KCNJ9: variants seen among roughly 807,000 people sequenced by gnomAD.
The protein encoded by KCNJ9 is potassium inwardly rectifying channel subfamily J member 9, also known as G protein-activated inward rectifier potassium channel 3.
Under a neutral mutation model 27.9 loss-of-function variants are expected in KCNJ9, and 18 were observed. That is an observed-to-expected ratio of 0.65 (90% CI 0.45 to 0.96). The LOEUF is 0.96. Among genes scored for constraint, KCNJ9 ranks in the 40% least tolerant of loss-of-function variants. The pLI is 0.00. For synonymous variants in KCNJ9, 229 were observed against 248.2 expected, an observed-to-expected ratio of 0.92 and a Z score of 0.73; for missense variants, 324 against 557.5, an observed-to-expected ratio of 0.58 and a Z score of 4.22.
At chr1:160,087,347 G>C (rs1332734342) in intron 2 of KCNJ9, 139 bp from the exon 3 acceptor site, 51 of 1,295,316 alleles carry the variant, frequency 3.9e-5, no homozygotes, top group African/African-American at 6.1e-5. Flanking sequence ...GGGAGGGGGG[G>C]AAATGGACTG....
In KCNJ9 at chr1:160,089,931, TAGGGTCCTATGGGGCACAGCC is replaced by T. The variant is rs1490395883; in HGVS notation, c.*2128_*2148del. The T allele has an allele frequency of 5.2e-5, 8 of 152,382 alleles. No individual in the cohort carries two copies. In the East Asian group the frequency reaches 1.5e-3, roughly 29 times the overall value. 9.4% of individuals were successfully genotyped at this position (152,382 alleles called of 1,614,324 possible). On this transcript the variant is annotated 3_prime_UTR_variant, in exon 3 of 3. Coordinates refer to ENST00000368088, the MANE Select transcript of KCNJ9 (RefSeq NM_004983.3). ...TCTTCTCTGTTCCAGGCTGGGCAGA[TAGGGTCCTATGGGGCACAGCC>T]AGGGTCCTATGGGCATAGCCAGGGC...
At position 160,084,428 on chromosome 1, in the gene KCNJ9, C is replaced by A. The variant is rs1318196432; in HGVS notation, c.398C>A (p.Pro133His). 1 of 1,613,498 alleles carries A rather than the reference C, an allele frequency of 6.2e-7. No individual in the cohort carries two copies. The highest frequency in any genetic ancestry group is 8.5e-7 in the Non-Finnish European group (1 of 1,179,898). ...CACCGCGTCATCACCGACCAGTGCC[C>A]CGAGGGCATCGTGCTGCTGCTGCTG... ...YGHRVITDQC[P>H]EGIVLLLLQA... Residue 133 changes from proline (P) to histidine (H), a missense_variant, in exon 2 of 3, where the codon CCC becomes CAC. By Grantham distance (77) the Pro-to-His change is moderately conservative. This residue lies in a region of KCNJ9 where 241 missense variants were observed against 481.7 expected (regional missense o/e 0.50). Coordinates refer to ENST00000368088, the MANE Select transcript of KCNJ9 (RefSeq NM_004983.3).
At position 160,087,811 on chromosome 1, in the gene KCNJ9, G is replaced by T; in HGVS notation, c.1176G>T (p.Lys392Asn). Residue 392 changes from lysine (K) to asparagine (N), a missense_variant, in exon 3 of 3, where the codon AAG becomes AAT. Coordinates refer to ENST00000368088, the MANE Select transcript of KCNJ9 (RefSeq NM_004983.3). ...GCLPPPESES[K>N]V is the part of the protein sequence containing the mutation. Reference sequence around the variant, plus strand: ...TGCCACCCCCAGAGAGTGAGTCCAAGGTGTGACCAGCTTCCTCCAGACCCC... The same window carrying T: ...TGCCACCCCCAGAGAGTGAGTCCAATGTGTGACCAGCTTCCTCCAGACCCC... 1 of 1,491,718 alleles carries T rather than the reference G, an allele frequency of 6.7e-7. No homozygotes were observed. 92.4% of individuals were successfully genotyped at this position (1,491,718 alleles called of 1,614,324 possible). A position where few individuals can be genotyped will look rare whatever the true frequency, so the allele number is the denominator to read the frequency against.
Position 160,084,336 on chromosome 1 carries a change from C to G in KCNJ9, c.306C>G (p.Asn102Lys). The G allele has an allele frequency of 6.2e-7, 1 of 1,613,670 alleles. No homozygotes were observed. The highest frequency in any genetic ancestry group is 8.5e-7 in the Non-Finnish European group (1 of 1,179,976). The change falls in exon 2 of 3, where the codon AAC becomes AAG. Residue 102 changes from asparagine (N) to lysine (K), a missense_variant. Physicochemically the swap from Asn to Lys is moderately conservative, Grantham distance 94 (BLOSUM62 0). Around this residue, in one of 3 missense-constraint regions of KCNJ9, gnomAD observed 241 missense variants for 481.7 expected, o/e 0.50. Coordinates refer to ENST00000368088, the MANE Select transcript of KCNJ9 (RefSeq NM_004983.3). ...LEDTAWTPCV[N>K]NLNGFVAAFL... is the part of the protein sequence containing the mutation. ...ACACCGCGTGGACGCCGTGCGTCAA[C>G]AACCTCAACGGCTTCGTGGCCGCCT... is the stretch of plus-strand genomic sequence containing the variant.
chr1:160,085,111 C>T (rs1348248813), intron 2 of KCNJ9, among the ~76,000 whole-genome samples: 1 of 152,196 alleles, frequency 6.6e-6, no homozygotes, highest in African/African-American at 2.4e-5. Context: ...GGCGTGGGGC[C>T]CTGGGCCCAG....
In KCNJ9 at chr1:160,088,031, G is replaced by T; in HGVS notation, c.*214G>T. ...TTTCAGGGAAATGGAGGGTGGGGCC[G>T]GGTGAAAATGCCAGTCTGTGTTTGA... On this transcript the variant is annotated 3_prime_UTR_variant, in exon 3 of 3. Transcript: ENST00000368088. The T allele has an allele frequency of 2.3e-6, 1 of 434,110 alleles. No individual in the cohort carries two copies. The allele number at this position is 434,110 out of a possible 1,614,324, so 26.9% of individuals were successfully genotyped here.
At position 160,084,002 on chromosome 1, in the gene KCNJ9, C is replaced by T. The variant is rs905257730; in HGVS notation, c.-29C>T. 8.5e-6 allele frequency: 11 copies of T among 1,288,244 alleles called. No individual in the cohort carries two copies. Among genetic ancestry groups the T allele is most frequent in the African/African-American group, 4.7e-5 (3 of 64,170 alleles). 79.8% of individuals were successfully genotyped at this position (1,288,244 alleles called of 1,614,324 possible). On this transcript the variant is annotated 5_prime_UTR_variant, in exon 2 of 3. Transcript: ENST00000368088. Reference sequence around the variant, plus strand: ...TCGGGCCCCCGCCGCACTCCAGGCGCCCGCAGCGCTCGCCCTGACGCGGCC... The same window carrying T: ...TCGGGCCCCCGCCGCACTCCAGGCGTCCGCAGCGCTCGCCCTGACGCGGCC...
chr1:160,082,127 C>T (rs770811055), intron 1 of KCNJ9, among the ~76,000 whole-genome samples: 3 of 152,216 alleles, frequency 2.0e-5, no homozygotes, highest in Non-Finnish European at 2.9e-5. Context: ...GATCCGACAT[C>T]GGGGTTCCTT....
chr1:160,087,519 T>G lies in KCNJ9; in HGVS notation c.884T>G (p.Val295Gly). The stretch of plus-strand genomic sequence containing the variant: ...TGCCAAGCTCGGAGCTCCTACCTGG[T>G]AGACGAGGTGCTGTGGGGCCACCGC... ...MTCQARSSYLVDEVLWGHRFT... is the reference protein window; with the variant it reads ...MTCQARSSYLGDEVLWGHRFT... The change falls in exon 3 of 3, where the codon GTA becomes GGA. Residue 295 changes from valine to glycine, a missense_variant. Val to Gly is a moderately radical substitution (Grantham distance 109, BLOSUM62 -3). Around this residue, in one of 3 missense-constraint regions of KCNJ9, gnomAD observed 241 missense variants for 481.7 expected, o/e 0.50. Transcript: ENST00000368088. 6.2e-7 allele frequency: 1 copy of G among 1,609,284 alleles called. No homozygotes were observed. The highest frequency in any genetic ancestry group is 8.5e-7 in the Non-Finnish European group (1 of 1,176,580).
At chr1:160,083,293 G>A (rs1019563930) in intron 1 of KCNJ9, among the ~76,000 whole-genome samples, 8 of 152,206 alleles carry the variant, frequency 5.3e-5, no homozygotes, top group African/African-American at 1.9e-4. Flanking sequence ...CTTGTGCACT[G>A]GAGGGTTTCC....
chr1:160,088,182 C>T lies in KCNJ9; in HGVS notation c.*365C>T, dbSNP rs1008399287. On this transcript the variant is annotated 3_prime_UTR_variant, in exon 3 of 3. Coordinates refer to ENST00000368088, the MANE Select transcript of KCNJ9 (RefSeq NM_004983.3). ...GATGGACCAGTAGACAACTGGTCCA[C>T]TCAGGGCTGCCACTAACCTGTAGAA... is the stretch of plus-strand genomic sequence containing the variant. 4.8e-5 allele frequency: 10 copies of T among 206,982 alleles called. No homozygotes were observed. The highest frequency in any genetic ancestry group is 9.6e-5 in the Non-Finnish European group (10 of 104,342). The allele number at this position is 206,982 out of a possible 1,614,324, so 12.8% of individuals were successfully genotyped here.
chr1:160,082,938 T>C (rs1249099535), intron 1 of KCNJ9, among the ~76,000 whole-genome samples: 1 of 126,634 alleles, frequency 7.9e-6, no homozygotes, highest in Non-Finnish European at 1.7e-5. Flanking sequence ...ATATGGCAGG[T>C]GGGGGCGGGG....
chr1:160,085,712 C>T (rs1372623558), intron 2 of KCNJ9, among the ~76,000 whole-genome samples: 1 of 152,188 alleles, frequency 6.6e-6, no homozygotes, highest in Non-Finnish European at 1.5e-5. Context: ...TTACAGGAGT[C>T]GCAAAGGAGG....
Position 160,084,066 on chromosome 1 carries a change from G to A in KCNJ9, c.36G>A (p.Gln12=), listed in dbSNP as rs762783487. ...AGAACGCGGCCTTCTCGCCCGGGCA[G>A]GAGGAGCCGCCGCGGCGCCGCGGCC... ...AQENAAFSPG[Q]EEPPRRRGRQ... The change falls in exon 2 of 3, where the codon CAG becomes CAA. Residue 12 remains glutamine, a synonymous_variant. Transcript: ENST00000368088. 10 of 1,533,082 alleles carry A rather than the reference G, an allele frequency of 6.5e-6. No homozygotes were observed. Among genetic ancestry groups the A allele is most frequent in the East Asian group, 2.5e-5 (1 of 40,672 alleles). 95.0% of individuals were successfully genotyped at this position (1,533,082 alleles called of 1,614,324 possible). A position where few individuals can be genotyped will look rare whatever the true frequency, so the allele number is the denominator to read the frequency against.
rs560036232 is a variant in KCNJ9, at chr1:160,087,360, C to A, written c.851-126C>A. 3.7e-4 allele frequency: 509 copies of A among 1,357,844 alleles called. 6 individuals carry two copies. In the South Asian group the frequency reaches 8.7e-3, roughly 23 times the overall value. The allele number at this position is 1,357,844 out of a possible 1,614,324, so 84.1% of individuals were successfully genotyped here. ...TAGGGAGGGGGGGAAATGGACTGGA[C>A]CAAAGGGAGGTGGGAGCCCTTAGGA... On this transcript the variant is annotated intron_variant, in intron 2 of 2. Transcript: ENST00000368088.
At chr1:160,082,309 G>A (rs1487031507) in intron 1 of KCNJ9, among the ~76,000 whole-genome samples, 1 of 152,172 alleles carries the variant, frequency 6.6e-6, no homozygotes, top group East Asian at 1.9e-4. Context: ...TACTCTTCCT[G>A]AGGACATCTG....
rs1324937832 is a variant in KCNJ9 at position 160,089,229 on chromosome 1, G to C, written c.*1412G>C. Reference sequence around the variant, plus strand: ...GCTGAGAGGAAGATGAAGAGAAGCTGAGAAGAAGCTGAGGATCCTCACAGG... The same window carrying C: ...GCTGAGAGGAAGATGAAGAGAAGCTCAGAAGAAGCTGAGGATCCTCACAGG... On this transcript the variant is annotated 3_prime_UTR_variant, in exon 3 of 3. Transcript: ENST00000368088. 1 of 152,412 alleles carries C rather than the reference G, an allele frequency of 6.6e-6. No individual in the cohort carries two copies. The highest frequency in any genetic ancestry group is 2.4e-5 in the African/African-American group (1 of 41,448). The allele number at this position is 152,412 out of a possible 1,614,324, so 9.4% of individuals were successfully genotyped here.
chr1:160,087,543 G>T lies in KCNJ9; in HGVS notation c.908G>T (p.Arg303Leu). Residue 303 changes from arginine to leucine, a missense_variant, in exon 3 of 3, where the codon CGC becomes CTC. Transcript: ENST00000368088. ...GTAGACGAGGTGCTGTGGGGCCACCGCTTCACGTCAGTGCTGACTCTGGAG... is the reference window on the plus strand; with the variant it reads ...GTAGACGAGGTGCTGTGGGGCCACCTCTTCACGTCAGTGCTGACTCTGGAG... ...YLVDEVLWGH[R>L]FTSVLTLEDG... is the part of the protein sequence containing the mutation. 1 of 1,613,382 alleles carries T rather than the reference G, an allele frequency of 6.2e-7. No individual in the cohort carries two copies. Among genetic ancestry groups the T allele is most frequent in the Non-Finnish European group, 8.5e-7 (1 of 1,179,572 alleles).
intron 1 of KCNJ9, among the ~76,000 whole-genome samples, chr1:160,082,947 G>A (rs577972708): frequency 2.0e-4 from 30 of 152,136 alleles, no homozygotes; most frequent in African/African-American, 7.0e-4. Context: ...GTGGGGGCGG[G>A]GCTGGTGTTA....
Sources: gnomAD v4.1 joint callset for allele counts (sites outside exome capture counted in the v4.1 genomes callset) on GRCh38, gnomAD v4.1.1 for gene constraint, gnomAD v4.1.1 regional missense constraint, MANE v1.5 for transcripts, NCBI Gene and HGNC (gene_info 2026-07-23, HGNC 2026-07-21) for gene names.